PTPRT: variants seen among roughly 807,000 people sequenced by gnomAD.
PTPRT encodes the protein protein tyrosine phosphatase receptor type T, also known as receptor-type tyrosine-protein phosphatase T.
Under a neutral mutation model 176.8 loss-of-function variants are expected in PTPRT, and 56 were observed. The observed-to-expected ratio is 0.32, with a 90% CI of 0.26 to 0.40. PTPRT has a LOEUF of 0.40. PTPRT is among the 10% of genes least tolerant of loss of function. The pLI is 1.00. For synonymous variants in PTPRT, 783 were observed against 739.0 expected (o/e 1.06, Z -0.96); for missense variants, 1,540 against 1,908.2 (o/e 0.81, Z 3.60).
intron 1 of PTPRT, among the ~76,000 whole-genome samples, chr20:42,905,131 C>G (rs895628146): frequency 6.6e-5 from 10 of 152,146 alleles, no homozygotes; most frequent in African/African-American, 1.9e-4. Flanking sequence ...TGAACAGGCA[C>G]CTACAGAATG....
chr20:42,934,731 T>C (rs1233951770), intron 1 of PTPRT, among the ~76,000 whole-genome samples: 1 of 151,854 alleles, frequency 6.6e-6, no homozygotes, highest in African/African-American at 2.4e-5. Context: ...AGCAAGTAAA[T>C]GAGAGGGTAA....
chr20:42,184,614 T>TC (rs1372340702), intron 16 of PTPRT, among the ~76,000 whole-genome samples: 43 of 142,670 alleles, frequency 3.0e-4, no homozygotes, highest in African/African-American at 1.1e-3. Context: ...TTCTTCTTCT[T>TC]CTCCTCCTTC....
chr20:42,517,580 T>C (rs2072092386), intron 7 of PTPRT, among the ~76,000 whole-genome samples: 1 of 152,056 alleles, frequency 6.6e-6, no homozygotes, highest in East Asian at 1.9e-4. Flanking sequence ...TGATGCATAG[T>C]CCATTAATTT....
intron 3 of PTPRT, among the ~76,000 whole-genome samples, chr20:42,781,493 A>G (rs2077215146): frequency 6.6e-6 from 1 of 152,114 alleles, no homozygotes; most frequent in South Asian, 2.1e-4. Context: ...GACTCTTGCT[A>G]TATTTTCCAT....
At chr20:42,163,067 T>A (rs1214506550) in intron 16 of PTPRT, among the ~76,000 whole-genome samples, 2 of 152,194 alleles carry the variant, frequency 1.3e-5, no homozygotes, top group Non-Finnish European at 2.9e-5. Context: ...TGCTTTCACT[T>A]ATATCTGTGG....
chr20:43,034,364 T>C (rs938791286), intron 1 of PTPRT, among the ~76,000 whole-genome samples: 12 of 152,084 alleles, frequency 7.9e-5, no homozygotes, highest in African/African-American at 2.9e-4. Flanking sequence ...TGAGCCCTAT[T>C]CACGATTGCT....
intron 6 of PTPRT, among the ~76,000 whole-genome samples, chr20:42,690,516 T>C (rs2075775524): frequency 6.6e-6 from 1 of 152,170 alleles, no homozygotes; most frequent in African/African-American, 2.4e-5. Context: ...GCAAGGCATA[T>C]GGACCAGTAC....
intron 15 of PTPRT, among the ~76,000 whole-genome samples, chr20:42,208,912 A>C (rs1315544412): frequency 6.6e-6 from 1 of 152,204 alleles, no homozygotes; most frequent in East Asian, 1.9e-4. Context: ...CTCCTTAGCA[A>C]ATGTAAAAGA....
At chr20:42,116,186 A>G (rs987300469) in intron 21 of PTPRT, 6 of 695,304 alleles carry the variant, frequency 8.6e-6, no homozygotes, top group Non-Finnish European at 1.3e-5. Flanking sequence ...GCTGTATTAC[A>G]CAGTTAAATA....
At chr20:42,406,982 T>C (rs1408608236) in intron 9 of PTPRT, among the ~76,000 whole-genome samples, 2 of 152,214 alleles carry the variant, frequency 1.3e-5, no homozygotes, top group Admixed American at 6.5e-5. Flanking sequence ...ATCCACCTGC[T>C]CATCTCCTTT....
intron 1 of PTPRT, among the ~76,000 whole-genome samples, chr20:42,926,798 CG>C (rs1979513209): frequency 6.6e-6 from 1 of 152,134 alleles, no homozygotes; most frequent in Non-Finnish European, 1.5e-5. Context: ...AAATAATACA[CG>C]TCAAGCCTCA....
chr20:42,564,341 A>G (rs893713082), intron 7 of PTPRT, among the ~76,000 whole-genome samples: 1 of 152,258 alleles, frequency 6.6e-6, no homozygotes, highest in Non-Finnish European at 1.5e-5. Context: ...GAAAAGCCCA[A>G]TACAGCTATT....
At chr20:42,405,832 C>T (rs1216608937) in intron 9 of PTPRT, among the ~76,000 whole-genome samples, 1 of 152,152 alleles carries the variant, frequency 6.6e-6, no homozygotes, top group Non-Finnish European at 1.5e-5. Context: ...GTTCCTATTT[C>T]TCCACATCCT....
At chr20:42,277,438 C>T (rs2057059341) in intron 13 of PTPRT, among the ~76,000 whole-genome samples, 1 of 152,212 alleles carries the variant, frequency 6.6e-6, no homozygotes, top group African/African-American at 2.4e-5. Context: ...GGGAGTGCTG[C>T]TGCCTGCTGG....
In PTPRT at chr20:42,842,142, A is replaced by G. The variant is rs181781511; in HGVS notation, c.214+43665T>C. Among the ~76,000 whole-genome samples the G allele has an allele frequency of 1.0e-3, 152 of 152,374 alleles. 1 individual carries two copies. Among genetic ancestry groups the G allele is most frequent in the Non-Finnish European group, 9.1e-4 (62 of 68,034 alleles). On this transcript the variant is annotated intron_variant, in intron 2 of 30. Transcript: ENST00000373187. ...ATCTTTAGAATCAGAAAACTCCTGT[A>G]TTCTCCAACAGCAGCCTGGTTTCAT...
At chr20:42,249,804 C>A (rs1187684900) in intron 13 of PTPRT, among the ~76,000 whole-genome samples, 2 of 152,182 alleles carry the variant, frequency 1.3e-5, no homozygotes, top group East Asian at 1.9e-4. Context: ...TGCCAAGAAC[C>A]AGTATCTTCA....
the PTPRT span, among the ~76,000 whole-genome samples, chr20:42,062,373 T>A: frequency 6.6e-6 from 1 of 152,076 alleles, no homozygotes; most frequent in Non-Finnish European, 1.5e-5. Context: ...GGCCTAGAGT[T>A]CTCTTGGAAA....
intron 11 of PTPRT, among the ~76,000 whole-genome samples, chr20:42,345,428 A>G (rs1009366444): frequency 2.0e-5 from 3 of 148,292 alleles, no homozygotes; most frequent in Non-Finnish European, 4.4e-5. Context: ...AGATATACAT[A>G]TATATATAAA....
At chr20:42,297,140 A>G (rs2057399542) in intron 12 of PTPRT, among the ~76,000 whole-genome samples, 1 of 152,210 alleles carries the variant, frequency 6.6e-6, no homozygotes, top group Non-Finnish European at 1.5e-5. Context: ...AAAGTATTAC[A>G]CATGGCAAAG....
Sources: allele counts gnomAD v4.1 joint callset (sites outside exome capture counted in the v4.1 genomes callset), GRCh38; gene constraint gnomAD v4.1.1; transcripts MANE v1.5; gene names NCBI Gene and HGNC (gene_info 2026-07-23, HGNC 2026-07-21).